Variants in GFM2 observed in about 807,000 individuals in gnomAD.
GFM2 encodes the protein GTP dependent ribosome recycling factor mitochondrial 2.
A neutral mutation model predicts 95.4 loss-of-function variants in GFM2; 72 were observed. The observed-to-expected ratio is 0.76, with a 90% CI of 0.62 to 0.92. The LOEUF (loss-of-function observed/expected upper bound fraction) is 0.92, where lower values mean the gene tolerates loss of function less well. Ranked by LOEUF, GFM2 falls within the 40% of genes least tolerant of loss-of-function variation. GFM2 has a pLI of 0.00. For synonymous variants in GFM2, 276 were observed against 317.5 expected (o/e 0.87, Z 1.39); for missense variants, 825 against 924.1 (o/e 0.89, Z 1.39).
At chr5:74,764,778 GTT>G (rs757160377) in intron 1 of GFM2, among the ~76,000 whole-genome samples, 325 of 70,444 alleles carry the variant, frequency 4.6e-3, no homozygotes, top group Middle Eastern at 0.017. Context: ...TCCCTTTGTT[GTT>G]TTTTTTTTTT....
At position 74,726,040 on chromosome 5, in the gene GFM2, G is replaced by A; in HGVS notation, c.1813C>T (p.Pro605Ser). Residue 605 changes from proline to serine, a missense_variant, in exon 18 of 21, where the codon CCT becomes TCT. Coordinates refer to ENST00000296805, the MANE Select transcript of GFM2 (RefSeq NM_032380.5). Reference protein sequence around the residue: ...ARPIETSSVMPVIEFEYAESI... With the variant: ...ARPIETSSVMSVIEFEYAESI... The stretch of plus-strand genomic sequence containing the variant: ...TCAGCATACTCAAACTCAATCACAG[G>A]CATAACAGATGATGTTTCAATTGGC... 1 of 1,613,154 alleles carries A rather than the reference G, an allele frequency of 6.2e-7. No homozygotes were observed. The highest frequency in any genetic ancestry group is 1.7e-5 in the Admixed American group (1 of 59,910).
Position 74,730,367 on chromosome 5 carries a change from A to G in GFM2, c.1619T>C (p.Ile540Thr), listed in dbSNP as rs1330365833. 12 of 1,611,004 alleles carry G rather than the reference A, an allele frequency of 7.4e-6. No individual in the cohort carries two copies. The highest frequency in any genetic ancestry group is 5.0e-5 in the Admixed American group (3 of 59,746). Reference protein sequence around the residue: ...TVLCGMGELHIEIIHDRIKRE... With the variant: ...TVLCGMGELHTEIIHDRIKRE... ...CTTGATTCGATCATGAATAATCTCTATATGTAACTCCCCCATACCACACAG... is the reference window on the plus strand; with the variant it reads ...CTTGATTCGATCATGAATAATCTCTGTATGTAACTCCCCCATACCACACAG... Residue 540 changes from isoleucine to threonine, a missense_variant, in exon 17 of 21, where the codon ATA (isoleucine) becomes ACA (threonine). Coordinates refer to ENST00000296805, the MANE Select transcript of GFM2 (RefSeq NM_032380.5).
At chr5:74,757,071 T>C (rs1744023984) in intron 5 of GFM2, among the ~76,000 whole-genome samples, 1 of 152,048 alleles carries the variant, frequency 6.6e-6, no homozygotes, top group Admixed American at 6.6e-5. Context: ...AAATAAAAAA[T>C]AAAATAAAAT....
At chr5:74,759,514 C>A in intron 3 of GFM2, 88 bp from the exon 4 acceptor site, 1 of 692,042 alleles carries the variant, frequency 1.4e-6, no homozygotes, top group Admixed American at 2.4e-5. Flanking sequence ...TAACTTTAAG[C>A]AAATACTGTA....
In GFM2 at chr5:74,725,707, G is replaced by A; in HGVS notation, c.1961C>T (p.Ser654Phe). The change falls in exon 19 of 21, where the codon TCC (serine) becomes TTC (phenylalanine). Residue 654 changes from serine (S) to phenylalanine (F), a missense_variant. Transcript: ENST00000296805. ...PIQDVAITLH[S>F]LTIHPGTSTT... Reference sequence around the variant, plus strand: ...GGAGGTGCCAGGATGAATTGTCAGGGAATGTAAAGTAATTGCTACATCCTG... The same window carrying A: ...GGAGGTGCCAGGATGAATTGTCAGGAAATGTAAAGTAATTGCTACATCCTG... 3 of 1,613,890 alleles carry A rather than the reference G, an allele frequency of 1.9e-6. No homozygotes were observed. The highest frequency in any genetic ancestry group is 1.1e-5 in the South Asian group (1 of 91,068).
At chr5:74,750,737 T>C in intron 6 of GFM2, 70 bp from the exon 7 acceptor site, 1 of 1,086,526 alleles carries the variant, frequency 9.2e-7, no homozygotes, top group South Asian at 1.3e-5. Flanking sequence ...CAATCTCACA[T>C]CTCACTCCTG....
Position 74,721,237 on chromosome 5 carries a change from G to GTAAAATAAGATATTAGACTGTTT in GFM2, c.*395_*417dup. 3.1e-6 allele frequency: 4 copies of GTAAAATAAGATATTAGACTGTTT among 1,278,258 alleles called. No homozygotes were observed. Among genetic ancestry groups the GTAAAATAAGATATTAGACTGTTT allele is most frequent in the South Asian group, 2.4e-5 (2 of 83,926 alleles). 79.2% of individuals were successfully genotyped at this position (1,278,258 alleles called of 1,614,324 possible). On this transcript the variant is annotated 3_prime_UTR_variant, in exon 21 of 21. Transcript: ENST00000296805. ...ACAATCAACTTTATTTTGAAATCAT[G>GTAAAATAAGATATTAGACTGTTT]TAAAATAAGATATTAGACTGTTTTT...
intron 5 of GFM2, among the ~76,000 whole-genome samples, chr5:74,753,384 G>A (rs1240156409): frequency 6.6e-6 from 1 of 152,088 alleles, no homozygotes; most frequent in Non-Finnish European, 1.5e-5. Flanking sequence ...GATCACTTGC[G>A]GTCAGGAGTT....
At position 74,760,988 on chromosome 5, in the gene GFM2, TAGTAAAGAGAAAAA is replaced by T. The variant is rs751852874; in HGVS notation, c.64-16_64-3del. 1.4e-5 allele frequency: 22 copies of T among 1,537,014 alleles called. No homozygotes were observed. Among genetic ancestry groups the T allele is most frequent in the Non-Finnish European group, 2.0e-5 (22 of 1,118,088 alleles). ...TCTTATTTTATAGCAGCATATATTC[TAGTAAAGAGAAAAA>T]GAAACTTGGCATTAATTTTATTTTA... On this transcript the variant is annotated splice_region_variant and splice_polypyrimidine_tract_variant and intron_variant, in intron 2 of 20. Transcript: ENST00000296805.
intron 8 of GFM2, 75 bp downstream of exon 8, chr5:74,747,617 A>T: frequency 1.2e-6 from 1 of 830,422 alleles, no homozygotes; most frequent in Non-Finnish European, 2.0e-6. Context: ...GCTATTCCTA[A>T]ATTTAAGTTA....
chr5:74,748,917 TAAAA>T (rs199815347), intron 7 of GFM2, among the ~76,000 whole-genome samples: 13 of 115,048 alleles, frequency 1.1e-4, no homozygotes, highest in African/African-American at 4.6e-4. Context: ...AATAAAAAAA[TAAAA>T]AAAAATAAAA....
At chr5:74,732,882 T>TTAAAAAGAAA (rs1742640027) in intron 16 of GFM2, 140 bp downstream of exon 16, 1 of 450,202 alleles carries the variant, frequency 2.2e-6, no homozygotes, top group Non-Finnish European at 3.9e-6. Context: ...ATGAGAGAAT[T>TTAAAAAGAAA]TAAAAAGAAA....
chr5:74,730,583 TCAATAAA>T (rs952072788), intron 16 of GFM2, 185 bp from the exon 17 acceptor site: 1 of 410,742 alleles, frequency 2.4e-6, no homozygotes, highest in African/African-American at 2.1e-5. Context: ...GAATAATGAA[TCAATAAA>T]CAATGAATTA....
chr5:74,764,201 T>C (rs1744426175), intron 1 of GFM2, among the ~76,000 whole-genome samples: 1 of 152,246 alleles, frequency 6.6e-6, no homozygotes, highest in Non-Finnish European at 1.5e-5. Flanking sequence ...CCATACCATG[T>C]AAAAACTAAA....
In GFM2 at chr5:74,722,365, T is replaced by C; in HGVS notation, c.2211+14A>G. The C allele has an allele frequency of 6.2e-7, 1 of 1,607,288 alleles. No individual in the cohort carries two copies. The highest frequency in any genetic ancestry group is 8.5e-7 in the Non-Finnish European group (1 of 1,175,044). Reference sequence around the variant, plus strand: ...TTAAGAAGAATATGTACTTTTCAGTTACAAAGTACCTACCATAATTTCTGC... The same window carrying C: ...TTAAGAAGAATATGTACTTTTCAGTCACAAAGTACCTACCATAATTTCTGC... On this transcript the variant is annotated intron_variant, in intron 20 of 20. Coordinates refer to ENST00000296805, the MANE Select transcript of GFM2 (RefSeq NM_032380.5).
At chr5:74,742,743 T>C (rs1743175402) in intron 10 of GFM2, among the ~76,000 whole-genome samples, 1 of 152,104 alleles carries the variant, frequency 6.6e-6, no homozygotes, top group African/African-American at 2.4e-5. Flanking sequence ...CTCAGCTCAC[T>C]GCAACCTCTG....
intron 17 of GFM2, among the ~76,000 whole-genome samples, chr5:74,726,365 A>AT (rs1304508353): frequency 6.6e-6 from 1 of 152,216 alleles, no homozygotes; most frequent in Non-Finnish European, 1.5e-5. Context: ...TTGTTTTAAC[A>AT]TTAAGATATG....
At position 74,738,660 on chromosome 5, in the gene GFM2, C is replaced by A; in HGVS notation, c.1080-18G>T. The A allele has an allele frequency of 1.3e-6, 2 of 1,587,662 alleles. No individual in the cohort carries two copies. Among genetic ancestry groups the A allele is most frequent in the Non-Finnish European group, 1.7e-6 (2 of 1,170,054 alleles). ...ACCACTGCCTATAAAATAAACATTC[C>A]AAAAAGGCCTATAAAATACACTTCC... On this transcript the variant is annotated intron_variant, in intron 12 of 20. Coordinates refer to ENST00000296805, the MANE Select transcript of GFM2 (RefSeq NM_032380.5).
At chr5:74,745,222 G>A (rs571487142) in intron 10 of GFM2, among the ~76,000 whole-genome samples, 1 of 152,250 alleles carries the variant, frequency 6.6e-6, no homozygotes, top group East Asian at 1.9e-4. Flanking sequence ...GTGCGTGCCT[G>A]TAATCCCAGC....
Sources: gnomAD v4.1 joint callset for allele counts (sites outside exome capture counted in the v4.1 genomes callset) on GRCh38, gnomAD v4.1.1 for gene constraint, MANE v1.5 for transcripts, NCBI Gene and HGNC (gene_info 2026-07-23, HGNC 2026-07-21) for gene names.